SETBP1: variants seen among roughly 807,000 people sequenced by gnomAD.
SETBP1 encodes the protein SET binding protein 1, also known as SET-binding protein.
A neutral mutation model predicts 101.0 loss-of-function variants in SETBP1; 9 were observed. The observed-to-expected ratio is 0.09, with a 90% CI of 0.05 to 0.16. The LOEUF (loss-of-function observed/expected upper bound fraction) is 0.16, where lower values mean the gene tolerates loss of function less well. Among genes scored for constraint, SETBP1 ranks in the 10% least tolerant of loss-of-function variants. The probability of loss-of-function intolerance (pLI) is 1.00; values close to 1 mark genes in which losing one functional copy is unlikely to be tolerated. For synonymous variants in SETBP1, 818 were observed against 788.5 expected (o/e 1.04, Z -0.63); for missense variants, 1,858 against 2,033.8 (o/e 0.91, Z 1.66).
chr18:44,815,735 C>A (rs942183278), intron 2 of SETBP1, among the ~76,000 whole-genome samples: 1 of 152,198 alleles, frequency 6.6e-6, no homozygotes, highest in Non-Finnish European at 1.5e-5. Flanking sequence ...GTCAAATTTT[C>A]TTTGAAATTC....
chr18:44,918,108 T>C (rs557959827), intron 3 of SETBP1, among the ~76,000 whole-genome samples: 8 of 152,294 alleles, frequency 5.3e-5, no homozygotes, highest in African/African-American at 1.9e-4. Flanking sequence ...ATTCATACTT[T>C]CTTCTCAATA....
At chr18:45,050,967 C>T (rs1405183858) in intron 5 of SETBP1, among the ~76,000 whole-genome samples, 1 of 152,148 alleles carries the variant, frequency 6.6e-6, no homozygotes, top group Non-Finnish European at 1.5e-5. Context: ...CAATCCTGGT[C>T]TTTGTCTTAT....
chr18:44,802,729 C>A, intron 2 of SETBP1, among the ~76,000 whole-genome samples: 1 of 152,218 alleles, frequency 6.6e-6, no homozygotes, highest in East Asian at 1.9e-4. Flanking sequence ...ATATCCAGAA[C>A]GATGACTCAT....
intron 2 of SETBP1, among the ~76,000 whole-genome samples, chr18:44,862,462 G>C (rs1374415848): frequency 6.6e-6 from 1 of 152,176 alleles, no homozygotes; most frequent in African/African-American, 2.4e-5. Flanking sequence ...TATATAACTT[G>C]CTTCTTAGGC....
intron 2 of SETBP1, 87 bp from the exon 3 acceptor site, chr18:44,869,142 TG>T: frequency 8.7e-7 from 1 of 1,153,308 alleles, no homozygotes. Context: ...ATCCAGGCTA[TG>T]GTAAGTCCAT....
chr18:45,027,761 A>G lies in SETBP1; in HGVS notation c.4001-10724A>G, dbSNP rs73474739. On this transcript the variant is annotated intron_variant, in intron 4 of 5. Transcript: ENST00000649279. Reference sequence around the variant, plus strand: ...CTTGCTGCCATAACAAATTTCCACAAACTTAGTGGCTTAAACAACATAAAT... The same window carrying G: ...CTTGCTGCCATAACAAATTTCCACAGACTTAGTGGCTTAAACAACATAAAT... 2.0e-5 allele frequency among the ~76,000 whole-genome samples: 3 copies of G among 152,292 alleles called. No individual in the cohort carries two copies. The South Asian group carries it at 6.2e-4, about 32-fold the overall frequency.
intron 4 of SETBP1, among the ~76,000 whole-genome samples, chr18:45,034,139 G>T (rs1355375503): frequency 6.6e-6 from 1 of 152,162 alleles, no homozygotes; most frequent in African/African-American, 2.4e-5. Context: ...CTGTGACCTT[G>T]AGCAACCTGG....
chr18:44,933,103 G>C (rs1397024973), intron 3 of SETBP1, among the ~76,000 whole-genome samples: 1 of 152,156 alleles, frequency 6.6e-6, no homozygotes, highest in Non-Finnish European at 1.5e-5. Context: ...TTTGGTCTTT[G>C]ATGATGGTGA....
intron 3 of SETBP1, among the ~76,000 whole-genome samples, chr18:44,949,593 A>C (rs949459629): frequency 6.6e-6 from 1 of 152,206 alleles, no homozygotes; most frequent in South Asian, 2.1e-4. Context: ...CCTGTCTCTA[A>C]AGATTGCATT....
At chr18:44,787,915 A>AAACAAAAG (rs1345266986) in intron 2 of SETBP1, among the ~76,000 whole-genome samples, 3 of 147,410 alleles carry the variant, frequency 2.0e-5, no homozygotes, top group Admixed American at 6.8e-5. Flanking sequence ...AGGAAATAAG[A>AAACAAAAG]AACAAAAGAC....
intron 4 of SETBP1, among the ~76,000 whole-genome samples, chr18:44,979,438 A>T (rs1468318227): frequency 1.3e-5 from 2 of 152,190 alleles, no homozygotes; most frequent in Non-Finnish European, 2.9e-5. Context: ...CTCAATCCAC[A>T]ATCTTGAAAT....
intron 3 of SETBP1, among the ~76,000 whole-genome samples, chr18:44,936,195 A>C (rs2070952198): frequency 6.6e-6 from 1 of 152,158 alleles, no homozygotes; most frequent in Non-Finnish European, 1.5e-5. Context: ...CCAGGACCCC[A>C]CTGGAGACCT....
intron 4 of SETBP1, among the ~76,000 whole-genome samples, chr18:44,964,426 C>T (rs2071678417): frequency 6.6e-6 from 1 of 152,094 alleles, no homozygotes; most frequent in South Asian, 2.1e-4. Context: ...GTACATGTGT[C>T]ATAGTCCTAC....
chr18:44,869,502 T>C (rs2069220970), intron 3 of SETBP1: 2 of 583,446 alleles, frequency 3.4e-6, no homozygotes, highest in East Asian at 3.1e-5. Flanking sequence ...TCGTTCCTAA[T>C]ATTCTATAGG....
intron 3 of SETBP1, among the ~76,000 whole-genome samples, chr18:44,948,190 A>T (rs1277630156): frequency 6.6e-6 from 1 of 152,178 alleles, no homozygotes; most frequent in Non-Finnish European, 1.5e-5. Flanking sequence ...AAAAAATTAA[A>T]TTGTTTTCTT....
chr18:44,906,602 G>A (rs1230782128), intron 3 of SETBP1, among the ~76,000 whole-genome samples: 1 of 152,188 alleles, frequency 6.6e-6, no homozygotes, highest in Non-Finnish European at 1.5e-5. Flanking sequence ...AATTTGACTA[G>A]ATTAATTTTA....
chr18:45,062,930 A>C, intron 5 of SETBP1, 149 bp from the exon 6 acceptor site: 1 of 935,142 alleles, frequency 1.1e-6, no homozygotes, highest in Non-Finnish European at 1.6e-6. Flanking sequence ...AAGAAAAAGG[A>C]ATAATGCATC....
chr18:44,905,848 T>C (rs1228810660), intron 3 of SETBP1, among the ~76,000 whole-genome samples: 4 of 152,196 alleles, frequency 2.6e-5, no homozygotes, highest in South Asian at 2.1e-4. Context: ...TTCCTCATAA[T>C]TGGAGGAAGC....
At chr18:44,876,237 GT>G (rs2069400132) in intron 3 of SETBP1, among the ~76,000 whole-genome samples, 1 of 152,186 alleles carries the variant, frequency 6.6e-6, no homozygotes, top group Non-Finnish European at 1.5e-5. Flanking sequence ...CAGGTTGCTT[GT>G]TTTGATTTCA....
Sources: allele counts gnomAD v4.1 joint callset (sites outside exome capture counted in the v4.1 genomes callset), GRCh38; gene constraint gnomAD v4.1.1; transcripts MANE v1.5; gene names NCBI Gene and HGNC (gene_info 2026-07-23, HGNC 2026-07-21).